The following PANK1 variants were observed in gnomAD, a reference collection of about 807,000 sequenced individuals.
The protein encoded by PANK1 is pantothenic acid kinase 1.
Under a neutral mutation model 40.1 loss-of-function variants are expected in PANK1, and 18 were observed. The observed-to-expected ratio is 0.45, with a 90% CI of 0.31 to 0.67. The LOEUF is 0.67. Among genes scored for constraint, PANK1 ranks in the 30% least tolerant of loss-of-function variants. PANK1 has a pLI of 0.06. For synonymous variants in PANK1, 242 were observed against 237.7 expected (o/e 1.02, Z -0.17); for missense variants, 457 against 599.6 (o/e 0.76, Z 2.48).
chr10:89,590,869 G>T (rs1020189366), intron 5 of PANK1, among the ~76,000 whole-genome samples: 2 of 152,096 alleles, frequency 1.3e-5, no homozygotes, highest in African/African-American at 2.4e-5. Flanking sequence ...TCTGGGATTT[G>T]TTTTCTAGTA....
At chr10:89,637,011 G>A (rs370030312) in intron 1 of PANK1, among the ~76,000 whole-genome samples, 17 of 150,474 alleles carry the variant, frequency 1.1e-4, no homozygotes, top group South Asian at 8.5e-4. Flanking sequence ...ACAGGCGCCC[G>A]CCACCACGCC....
chr10:89,598,229 C>A (rs1467889801), intron 3 of PANK1, among the ~76,000 whole-genome samples: 1 of 152,178 alleles, frequency 6.6e-6, no homozygotes, highest in Non-Finnish European at 1.5e-5. Flanking sequence ...ACTCATTTAT[C>A]ACAAGTCATG....
At chr10:89,595,831 AAAATATATAT>A (rs1402969614) in intron 3 of PANK1, among the ~76,000 whole-genome samples, 26 of 56,676 alleles carry the variant, frequency 4.6e-4, no homozygotes, top group Admixed American at 9.8e-4. Flanking sequence ...AAAAAAAAAA[AAAATATATAT>A]ATATATATAT....
At chr10:89,640,400 C>T (rs1009267186) in intron 1 of PANK1, among the ~76,000 whole-genome samples, 2 of 151,664 alleles carry the variant, frequency 1.3e-5, no homozygotes. Context: ...AATACACACA[C>T]ACACACACAC....
downstream of PANK1, chr10:89,581,426 AT>A (rs756082791): frequency 2.7e-5 from 3 of 111,892 alleles, no homozygotes; most frequent in South Asian, 3.4e-4. Flanking sequence ...TTATTTATTT[AT>A]TTTATTTTTT....
intron 3 of PANK1, among the ~76,000 whole-genome samples, chr10:89,595,873 T>TATAA (rs781450193): frequency 0.014 from 1,135 of 81,116 alleles, 83 homozygotes; most frequent in African/African-American, 0.023. Context: ...TATATATATA[T>TATAA]AACTTCATTT....
At chr10:89,598,766 C>T (rs1204887462) in intron 3 of PANK1, among the ~76,000 whole-genome samples, 1 of 151,902 alleles carries the variant, frequency 6.6e-6, no homozygotes, top group Non-Finnish European at 1.5e-5. Context: ...CTGACTATTC[C>T]AGTTTTCAGG....
At chr10:89,638,657 G>A (rs1298911723) in intron 1 of PANK1, among the ~76,000 whole-genome samples, 1 of 152,006 alleles carries the variant, frequency 6.6e-6, no homozygotes, top group Non-Finnish European at 1.5e-5. Context: ...CTTACATTCT[G>A]CCTTCCATAA....
rs1844711204 is a variant in PANK1, at chr10:89,599,501, G to A, written c.650C>T (p.Ala217Val). 6.2e-7 allele frequency: 1 copy of A among 1,612,272 alleles called. No homozygotes were observed. Among genetic ancestry groups the A allele is most frequent in the African/African-American group, 1.3e-5 (1 of 74,910 alleles). Residue 217 changes from alanine (A) to valine (V), a missense_variant, in exon 3 of 7, where the codon GCT becomes GTT. By Grantham distance (64) the Ala-to-Val change is moderately conservative. Coordinates refer to ENST00000307534, the MANE Select transcript of PANK1 (RefSeq NM_148977.3). ...FKFEEDFRMI[A>V]DLQLHKLDEL... ...ATCCAGTTTATGCAGCTGCAGGTCA[G>A]CAATCTAAAACAAAACACACAACAA...
chr10:89,582,430 C>T (rs1242837334), downstream of PANK1: 1 of 152,142 alleles, frequency 6.6e-6, no homozygotes, highest in Admixed American at 6.5e-5. Flanking sequence ...TTCTCAGCTA[C>T]ACCAATATTT....
Position 89,644,972 on chromosome 10 carries a change from C to T in PANK1, c.-81G>A, listed in dbSNP as rs114133850. The T allele has an allele frequency of 4.5e-3, 7,064 of 1,575,870 alleles. 293 individuals are homozygous for T. In the African/African-American group the frequency reaches 0.089, roughly 20 times the overall value. ...TCATTCTCCGGCGTCTTTATTTCCCCGGATCCTCCCTGCGGCTTCCGATTC... is the reference window on the plus strand; with the variant it reads ...TCATTCTCCGGCGTCTTTATTTCCCTGGATCCTCCCTGCGGCTTCCGATTC... On this transcript the variant is annotated 5_prime_UTR_variant, in exon 1 of 7. Coordinates refer to ENST00000307534, the MANE Select transcript of PANK1 (RefSeq NM_148977.3).
intron 2 of PANK1, among the ~76,000 whole-genome samples, chr10:89,606,299 A>T (rs1425234485): frequency 1.3e-5 from 2 of 152,204 alleles, no homozygotes. Context: ...GTACTATGAA[A>T]GTCTTAGGTG....
chr10:89,584,411 T>G lies in PANK1; in HGVS notation c.1381A>C (p.Lys461Gln). The G allele has an allele frequency of 6.3e-7, 1 of 1,599,326 alleles. No individual in the cohort carries two copies. The highest frequency in any genetic ancestry group is 2.2e-5 in the East Asian group (1 of 44,818). ...LLELFKMTDD[K>Q] ...GTTTCCTCCACTGCTCGTCTCTACT[T>G]GTCATCAGTCATTTTGAACAGTTCC... is the stretch of plus-strand genomic sequence containing the variant. The change falls in exon 7 of 7, where the codon AAG becomes CAG. Residue 461 changes from lysine (K) to glutamine (Q), a missense_variant. Lys to Gln is a moderately conservative substitution (Grantham distance 53). Coordinates refer to ENST00000307534, the MANE Select transcript of PANK1 (RefSeq NM_148977.3).
chr10:89,643,256 C>T (rs1368094432), intron 1 of PANK1, among the ~76,000 whole-genome samples: 1 of 152,206 alleles, frequency 6.6e-6, no homozygotes, highest in Non-Finnish European at 1.5e-5. Flanking sequence ...TTATAAATCA[C>T]AGGTAATCAA....
intron 2 of PANK1, among the ~76,000 whole-genome samples, chr10:89,607,571 C>A (rs1033634440): frequency 6.6e-6 from 1 of 152,202 alleles, no homozygotes; most frequent in African/African-American, 2.4e-5. Context: ...AACCTTCAAT[C>A]TGTAAAAAAT....
intron 1 of PANK1, among the ~76,000 whole-genome samples, chr10:89,622,828 C>G (rs531556606): frequency 6.7e-6 from 1 of 149,042 alleles, no homozygotes; most frequent in Non-Finnish European, 1.5e-5. Flanking sequence ...CAGAGCGAGA[C>G]TCCATTCCAA....
Position 89,644,697 on chromosome 10 carries a change from C to T in PANK1, c.195G>A (p.Pro65=), listed in dbSNP as rs1842063508. The part of the protein sequence containing the change: ...DAAPQRLPLL[P]ELQPQPLLPQ... ...GGAGCAGTGGCTGCGGCTGCAGCTC[C>T]GGCAGGAGCGGGAGGCGCTGGGGCG... The change falls in exon 1 of 7, where the codon CCG becomes CCA. Residue 65 remains proline (P), a synonymous_variant. Coordinates refer to ENST00000307534, the MANE Select transcript of PANK1 (RefSeq NM_148977.3). 3.9e-6 allele frequency: 6 copies of T among 1,544,130 alleles called. No individual in the cohort carries two copies. The highest frequency in any genetic ancestry group is 1.9e-5 in the Admixed American group (1 of 53,998).
At chr10:89,632,570 A>T (rs974157748) in intron 1 of PANK1, among the ~76,000 whole-genome samples, 5 of 152,244 alleles carry the variant, frequency 3.3e-5, no homozygotes, top group Non-Finnish European at 7.3e-5. Context: ...TTAAAAAACA[A>T]AAACAATAAT....
At chr10:89,624,042 A>G (rs1845588476) in intron 1 of PANK1, among the ~76,000 whole-genome samples, 1 of 152,262 alleles carries the variant, frequency 6.6e-6, no homozygotes, top group South Asian at 2.1e-4. Flanking sequence ...CCACTGGCAC[A>G]GCCCCAGATT....
Sources: allele counts gnomAD v4.1 joint callset (sites outside exome capture counted in the v4.1 genomes callset), GRCh38; gene constraint gnomAD v4.1.1; transcripts MANE v1.5; gene names NCBI Gene and HGNC (gene_info 2026-07-23, HGNC 2026-07-21).